Variants in RGPD2 observed in about 807,000 individuals in gnomAD.
The protein encoded by RGPD2 is RANBP2 like and GRIP domain containing 2, also known as RANBP2-like and GRIP domain-containing protein 2.
Under a neutral mutation model 36.0 loss-of-function variants are expected in RGPD2, and 2 were observed. The observed-to-expected ratio is 0.06, with a 90% CI of 0.02 to 0.17. The LOEUF is 0.17. Ranked by LOEUF, RGPD2 falls within the 10% of genes least tolerant of loss-of-function variation. The probability of loss-of-function intolerance (pLI) is 1.00; values close to 1 mark genes in which losing one functional copy is unlikely to be tolerated. For missense variants in RGPD2, 40 were observed against 464.3 expected (o/e 0.09, Z 8.40); for synonymous variants, 19 against 163.8 (o/e 0.12, Z 6.75).
the RGPD2 span, among the ~76,000 whole-genome samples, chr2:87,909,298 C>T: frequency 1.4e-5 from 2 of 142,740 alleles, no homozygotes; most frequent in Admixed American, 1.4e-4. Flanking sequence ...TACTAATGCC[C>T]TGTTTCTGCT....
the RGPD2 span, among the ~76,000 whole-genome samples, chr2:87,939,736 C>CAG: frequency 2.8e-4 from 43 of 151,446 alleles, no homozygotes; most frequent in Middle Eastern, 3.4e-3. Flanking sequence ...AGAAATGAGA[C>CAG]AGAGAGAGAG....
chr2:87,761,002 C>T (rs1056837363), intron 22 of RGPD2, among the ~76,000 whole-genome samples: 1 of 135,158 alleles, frequency 7.4e-6, no homozygotes, highest in Non-Finnish European at 1.6e-5. Flanking sequence ...GACTCTTGTT[C>T]TGTTTTTTCT....
At chr2:87,830,555 T>C (rs995026593), upstream of RGPD2, among the ~76,000 whole-genome samples, 2 of 152,174 alleles carry the variant, frequency 1.3e-5, no homozygotes, top group African/African-American at 4.8e-5. Flanking sequence ...AGTATCTTAA[T>C]AGCAGTACCC....
chr2:87,876,958 C>A, the RGPD2 span, among the ~76,000 whole-genome samples: 1 of 152,122 alleles, frequency 6.6e-6, no homozygotes, highest in Non-Finnish European at 1.5e-5. Flanking sequence ...TTATATAATA[C>A]CCTTCATTGT....
At chr2:87,963,285 GCT>G in the RGPD2 span, among the ~76,000 whole-genome samples, 2 of 147,130 alleles carry the variant, frequency 1.4e-5, no homozygotes, top group Non-Finnish European at 3.0e-5. Flanking sequence ...GTGTTCCAAA[GCT>G]CTTTTTGTTA....
the RGPD2 span, among the ~76,000 whole-genome samples, chr2:87,970,320 C>T: frequency 2.5e-4 from 38 of 151,258 alleles, no homozygotes; most frequent in African/African-American, 7.3e-4. Context: ...TATACATACA[C>T]GTATATATAA....
At chr2:87,875,651 A>C in the RGPD2 span, among the ~76,000 whole-genome samples, 2 of 152,314 alleles carry the variant, frequency 1.3e-5, no homozygotes, top group East Asian at 3.9e-4. Context: ...GGTTCATCAA[A>C]TATATTGGCT....
the RGPD2 span, among the ~76,000 whole-genome samples, chr2:87,964,927 C>A: frequency 6.6e-6 from 1 of 151,502 alleles, no homozygotes; most frequent in South Asian, 2.1e-4. Context: ...TACCCTCAAC[C>A]TAAATAGCAT....
the RGPD2 span, among the ~76,000 whole-genome samples, chr2:87,971,465 A>G: frequency 6.0e-3 from 763 of 126,814 alleles, 34 homozygotes; most frequent in African/African-American, 0.017. Context: ...ATATATAAAT[A>G]TATATATAAT....
chr2:87,975,929 C>T, the RGPD2 span, among the ~76,000 whole-genome samples: 3 of 151,888 alleles, frequency 2.0e-5, no homozygotes, highest in Non-Finnish European at 4.4e-5. Context: ...TAACACTATA[C>T]TTAGCAGAGA....
chr2:87,843,068 G>T, the RGPD2 span, among the ~76,000 whole-genome samples: 5 of 151,214 alleles, frequency 3.3e-5, no homozygotes, highest in African/African-American at 9.8e-5. Context: ...ATTCAAGATG[G>T]ATTAAAGACT....
the RGPD2 span, among the ~76,000 whole-genome samples, chr2:87,857,168 T>C: frequency 5.3e-5 from 8 of 152,262 alleles, no homozygotes; most frequent in Non-Finnish European, 1.2e-4. Flanking sequence ...AAAATGTGAA[T>C]TCTTATGAAA....
chr2:87,985,643 A>G, the RGPD2 span: 8 of 1,265,396 alleles, frequency 6.3e-6, no homozygotes, highest in Admixed American at 1.5e-4. Context: ...TACGCCTATT[A>G]TGTAGTCTCA....
upstream of RGPD2, among the ~76,000 whole-genome samples, chr2:87,829,650 T>TC (rs1456448407): frequency 2.6e-5 from 4 of 151,648 alleles, no homozygotes; most frequent in East Asian, 5.8e-4. Context: ...TTATAAAACC[T>TC]TCAGGTCTCA....
the RGPD2 span, among the ~76,000 whole-genome samples, chr2:87,864,625 CATAGATGA>C: frequency 6.4e-5 from 1 of 15,602 alleles, no homozygotes; most frequent in Admixed American, 3.2e-4. Context: ...TAGATAGATA[CATAGATGA>C]TAGATAGTAA....
upstream of RGPD2, among the ~76,000 whole-genome samples, chr2:87,829,633 C>T (rs1462990019): frequency 3.3e-5 from 5 of 151,678 alleles, no homozygotes; most frequent in East Asian, 1.9e-4. Context: ...TGCAGAGGAA[C>T]GGCCCTTTAT....
chr2:87,915,495 G>GTA, the RGPD2 span, among the ~76,000 whole-genome samples: 43,212 of 132,674 alleles, frequency 0.33, 7,938 homozygotes, highest in African/African-American at 0.49. Flanking sequence ...GTGTATATAC[G>GTA]TATATATACA....
rs79991087 is a variant in RGPD2 at position 87,825,103 on chromosome 2, G to A, written c.72+555C>T. 279 of 388,370 alleles carry A rather than the reference G, an allele frequency of 7.2e-4. 2 individuals are homozygous for A. The highest frequency in any genetic ancestry group is 6.8e-4 in the Non-Finnish European group (150 of 221,370). The allele number at this position is 388,370 out of a possible 1,614,324, so 24.1% of individuals were successfully genotyped here. On this transcript the variant is annotated intron_variant, in intron 1 of 22. Coordinates refer to ENST00000398146, the MANE Select transcript of RGPD2 (RefSeq NM_001078170.3). ...ACTATAGTAAACCCTGAGAACCAAA[G>A]TGAACGAAAATCTGTTCGCTTCATT... is the stretch of plus-strand genomic sequence containing the variant.
chr2:87,823,797 G>C (rs1380581098), intron 1 of RGPD2, among the ~76,000 whole-genome samples: 2 of 144,978 alleles, frequency 1.4e-5, no homozygotes, highest in African/African-American at 2.7e-5. Flanking sequence ...TAAGTACTCA[G>C]GCAACAGAGG....
Sources: allele counts gnomAD v4.1 joint callset (sites outside exome capture counted in the v4.1 genomes callset), GRCh38; gene constraint gnomAD v4.1.1; transcripts MANE v1.5; gene names NCBI Gene and HGNC (gene_info 2026-07-23, HGNC 2026-07-21).